The following FOXN3 variants were observed in gnomAD, a reference collection of about 807,000 sequenced individuals.
The protein encoded by FOXN3 is forkhead box N3, also known as forkhead box protein N3.
FOXN3 carries 7 observed loss-of-function variants against 38.4 expected under a neutral mutation model. That is an observed-to-expected ratio of 0.18 (90% confidence interval 0.10 to 0.34). FOXN3 has a LOEUF of 0.34. Among genes scored for constraint, FOXN3 ranks in the 10% least tolerant of loss-of-function variants. The pLI, the probability that FOXN3 is intolerant of heterozygous loss-of-function variation, is 1.00. For missense variants in FOXN3, 456 were observed against 613.4 expected (o/e 0.74, Z 2.71); for synonymous variants, 230 against 242.2 (o/e 0.95, Z 0.47).
chr14:89,472,590 G>A (rs906864759), intron 1 of FOXN3, among the ~76,000 whole-genome samples: 19 of 151,822 alleles, frequency 1.3e-4, no homozygotes, highest in Admixed American at 7.9e-4. Flanking sequence ...GCGTGGTGGC[G>A]GACGCCTGCA....
At chr14:89,357,632 A>C (rs1290502697) in intron 2 of FOXN3, among the ~76,000 whole-genome samples, 2 of 151,926 alleles carry the variant, frequency 1.3e-5, no homozygotes, top group African/African-American at 4.8e-5. Flanking sequence ...AGAGAGAGAG[A>C]GAGCTAGAAA....
chr14:89,246,391 A>G (rs987575330), intron 4 of FOXN3, among the ~76,000 whole-genome samples: 2 of 151,668 alleles, frequency 1.3e-5, no homozygotes, highest in Non-Finnish European at 1.5e-5. Context: ...TAGGGTAGAG[A>G]CCCCTCACCC....
intron 1 of FOXN3, among the ~76,000 whole-genome samples, chr14:89,538,263 G>A (rs965328416): frequency 1.3e-5 from 2 of 152,196 alleles, no homozygotes; most frequent in African/African-American, 4.8e-5. Context: ...TCACAAAGAT[G>A]TTAAAACCCA....
At chr14:89,599,855 C>A (rs1384073376) in intron 1 of FOXN3, among the ~76,000 whole-genome samples, 1 of 152,172 alleles carries the variant, frequency 6.6e-6, no homozygotes, top group Non-Finnish European at 1.5e-5. Context: ...TTTCACAGGA[C>A]CTAAATACAA....
intron 1 of FOXN3, among the ~76,000 whole-genome samples, chr14:89,499,857 C>A (rs1220954962): frequency 6.6e-6 from 1 of 152,016 alleles, no homozygotes; most frequent in African/African-American, 2.4e-5. Context: ...GCAGCCTCCA[C>A]GGAAGGGGAG....
intron 1 of FOXN3, among the ~76,000 whole-genome samples, chr14:89,443,044 C>T (rs1193840569): frequency 6.6e-6 from 1 of 152,230 alleles, no homozygotes; most frequent in Non-Finnish European, 1.5e-5. Context: ...AGTGCTGTTT[C>T]TGCCAACGGC....
intron 5 of FOXN3, among the ~76,000 whole-genome samples, chr14:89,167,665 A>T (rs1421928116): frequency 6.6e-6 from 1 of 152,244 alleles, no homozygotes; most frequent in Non-Finnish European, 1.5e-5. Context: ...AATATAAAAG[A>T]TCCTAGATCA....
rs1886289599 is a variant in FOXN3 at position 89,276,016 on chromosome 14, C to T, written c.745+4934G>A. Among the ~76,000 whole-genome samples the T allele has an allele frequency of 4.6e-5, 7 of 152,192 alleles. No individual in the cohort carries two copies. The South Asian group carries it at 1.4e-3, about 31-fold the overall frequency. ...GGATGGCCAGGCACAGTGGCTTAAGCATGTAATCCCAGCACTTTGGGAGGC... is the reference window on the plus strand; with the variant it reads ...GGATGGCCAGGCACAGTGGCTTAAGTATGTAATCCCAGCACTTTGGGAGGC... On this transcript the variant is annotated intron_variant, in intron 4 of 5. Coordinates refer to ENST00000557258, the MANE Select transcript of FOXN3 (RefSeq NM_005197.4).
At chr14:89,169,870 C>T (rs1887343146) in intron 5 of FOXN3, among the ~76,000 whole-genome samples, 1 of 151,914 alleles carries the variant, frequency 6.6e-6, no homozygotes, top group Admixed American at 6.6e-5. Context: ...AAACGTAAAA[C>T]GAGATGATAG....
At chr14:89,521,358 T>TAGATAGAGAGAGAGAG (rs554058509) in intron 1 of FOXN3, among the ~76,000 whole-genome samples, 3 of 124,968 alleles carry the variant, frequency 2.4e-5, no homozygotes, top group African/African-American at 8.1e-5. Context: ...AGATGATAGA[T>TAGATAGAGAGAGAGAG]AGAGAGAGAG....
chr14:89,250,778 G>A (rs1885431386), intron 4 of FOXN3, among the ~76,000 whole-genome samples: 1 of 152,220 alleles, frequency 6.6e-6, no homozygotes, highest in African/African-American at 2.4e-5. Flanking sequence ...TGAATCATGA[G>A]GGTGGGTCTT....
intron 3 of FOXN3, among the ~76,000 whole-genome samples, chr14:89,288,660 G>GCGCGCGC (rs1566947472): frequency 2.3e-5 from 1 of 43,924 alleles, no homozygotes; most frequent in African/African-American, 6.7e-5. Flanking sequence ...GGCTGTAATA[G>GCGCGCGC]GCACTCTCTT....
chr14:89,558,059 C>T (rs919814668), intron 1 of FOXN3, among the ~76,000 whole-genome samples: 44 of 152,092 alleles, frequency 2.9e-4, no homozygotes, highest in African/African-American at 1.0e-3. Context: ...ATACATAAGG[C>T]AAAGAAGCAA....
intron 1 of FOXN3, among the ~76,000 whole-genome samples, chr14:89,422,849 G>C (rs1891943305): frequency 6.6e-6 from 1 of 152,244 alleles, no homozygotes; most frequent in Non-Finnish European, 1.5e-5. Context: ...TGTGTAGTAA[G>C]GGAAAGTACA....
At chr14:89,271,780 T>C (rs759235057) in intron 4 of FOXN3, among the ~76,000 whole-genome samples, 1 of 152,268 alleles carries the variant, frequency 6.6e-6, no homozygotes, top group Non-Finnish European at 1.5e-5. Context: ...CTTTTTGTCT[T>C]ATTGTAAATT....
intron 4 of FOXN3, among the ~76,000 whole-genome samples, chr14:89,205,860 T>C (rs1472199593): frequency 6.6e-6 from 1 of 152,178 alleles, no homozygotes; most frequent in Non-Finnish European, 1.5e-5. Context: ...ATGCTCCCCT[T>C]AGGGGTTTGA....
chr14:89,241,398 C>G (rs570263258), intron 4 of FOXN3, among the ~76,000 whole-genome samples: 1 of 152,162 alleles, frequency 6.6e-6, no homozygotes, highest in Non-Finnish European at 1.5e-5. Flanking sequence ...CCACCGTGAG[C>G]TTGTGAAAAT....
chr14:89,319,350 G>A (rs901504990), intron 3 of FOXN3, among the ~76,000 whole-genome samples: 16 of 152,082 alleles, frequency 1.1e-4, no homozygotes, highest in Admixed American at 1.0e-3. Context: ...AAGTCCAGAG[G>A]AACCCAGATG....
intron 4 of FOXN3, among the ~76,000 whole-genome samples, chr14:89,260,192 A>G (rs1885752833): frequency 1.3e-5 from 2 of 152,258 alleles, no homozygotes; most frequent in South Asian, 2.1e-4. Flanking sequence ...GTCGGTGCTT[A>G]CGTAACTGCT....
Sources: allele counts gnomAD v4.1 joint callset (sites outside exome capture counted in the v4.1 genomes callset), GRCh38; gene constraint gnomAD v4.1.1; transcripts MANE v1.5; gene names NCBI Gene and HGNC (gene_info 2026-07-23, HGNC 2026-07-21).